The following PNPLA1 variants were observed in gnomAD, a reference collection of about 807,000 sequenced individuals.
The protein encoded by PNPLA1 is patatin like domain 1, omega-hydroxyceramide transacylase.
In PNPLA1, 36 loss-of-function variants were observed where a neutral mutation model predicts 51.7. The observed-to-expected ratio is 0.70, with a 90% CI of 0.53 to 0.92. The LOEUF is 0.92. Ranked by LOEUF, PNPLA1 falls within the 40% of genes least tolerant of loss-of-function variation. The pLI is 0.00. For missense variants in PNPLA1, 658 were observed against 682.5 expected, an observed-to-expected ratio of 0.96 and a Z score of 0.40; for synonymous variants, 293 against 280.1, an observed-to-expected ratio of 1.05 and a Z score of -0.46.
chr6:36,263,964 C>T (rs1431930516), intron 1 of PNPLA1, among the ~76,000 whole-genome samples: 1 of 152,202 alleles, frequency 6.6e-6, no homozygotes, highest in African/African-American at 2.4e-5. Flanking sequence ...GCTGCTTCCC[C>T]GCTTCCCTTC....
intron 1 of PNPLA1, among the ~76,000 whole-genome samples, chr6:36,257,379 C>G (rs1769553871): frequency 6.6e-6 from 1 of 152,216 alleles, no homozygotes; most frequent in African/African-American, 2.4e-5. Context: ...TCCAGCGGCT[C>G]AGAGACATGA....
At chr6:36,267,650 T>C (rs986514542), upstream of PNPLA1, among the ~76,000 whole-genome samples, 20 of 152,100 alleles carry the variant, frequency 1.3e-4, no homozygotes, top group African/African-American at 4.8e-4. Flanking sequence ...TCTATTTCAC[T>C]GGGATGACCC....
chr6:36,268,773 G>A (rs78890524), upstream of PNPLA1, among the ~76,000 whole-genome samples: 8 of 152,186 alleles, frequency 5.3e-5, no homozygotes, highest in Non-Finnish European at 1.2e-4. Flanking sequence ...TGGGGATGGA[G>A]CTTCTGTGTG....
At chr6:36,279,501 T>C (rs1223889401) in intron 1 of PNPLA1, among the ~76,000 whole-genome samples, 3 of 152,196 alleles carry the variant, frequency 2.0e-5, no homozygotes, top group Admixed American at 6.5e-5. Flanking sequence ...ACTCCTTTCC[T>C]TTGTCACTCA....
At chr6:36,300,161 T>TTGTGTGTGTGTGTGTGTGTGTGTG (rs145503312) in intron 5 of PNPLA1, among the ~76,000 whole-genome samples, 103 of 102,856 alleles carry the variant, frequency 1.0e-3, no homozygotes, top group Middle Eastern at 4.1e-3. Context: ...TTTCTTATTC[T>TTGTGTGTGTGTGTGTGTGTGTGTG]TGTGTGTGTG....
chr6:36,262,744 A>G (rs1769679848), intron 1 of PNPLA1, among the ~76,000 whole-genome samples: 1 of 152,184 alleles, frequency 6.6e-6, no homozygotes. Context: ...CTTCTTACCA[A>G]TATATCTTGG....
intron 6 of PNPLA1, among the ~76,000 whole-genome samples, chr6:36,303,860 A>AG (rs1203384382): frequency 6.6e-6 from 1 of 152,148 alleles, no homozygotes; most frequent in Non-Finnish European, 1.5e-5. Context: ...AGAAGTATTA[A>AG]GTACTATATA....
At chr6:36,268,409 G>A (rs1769812368), upstream of PNPLA1, among the ~76,000 whole-genome samples, 1 of 152,154 alleles carries the variant, frequency 6.6e-6, no homozygotes, top group Non-Finnish European at 1.5e-5. Context: ...CACACTGCCT[G>A]TAAATAGCAG....
intron 1 of PNPLA1, among the ~76,000 whole-genome samples, chr6:36,289,119 A>T (rs1379084069): frequency 6.6e-6 from 1 of 152,138 alleles, no homozygotes; most frequent in East Asian, 1.9e-4. Flanking sequence ...AGACATTTTA[A>T]TTTTTTTCTT....
intron 6 of PNPLA1, among the ~76,000 whole-genome samples, chr6:36,303,310 G>A (rs1033966423): frequency 6.6e-6 from 1 of 152,116 alleles, no homozygotes. Flanking sequence ...AGCCAGGATG[G>A]TCTCAATCTC....
chr6:36,282,092 G>GAAAGAAAGAAAGAAAGAAAGAAAGAAA (rs59914317), intron 1 of PNPLA1, among the ~76,000 whole-genome samples: 35 of 40,722 alleles, frequency 8.6e-4, no homozygotes, highest in East Asian at 2.6e-3. Context: ...AAAGAAAGAA[G>GAAAGAAAGAAAGAAAGAAAGAAAGAAA]GAAGGAAGGA....
At chr6:36,299,205 A>G (rs190495993) in intron 5 of PNPLA1, among the ~76,000 whole-genome samples, 4 of 152,276 alleles carry the variant, frequency 2.6e-5, no homozygotes, top group South Asian at 2.1e-4. Flanking sequence ...TAACCAGAAT[A>G]TATGTTTGAC....
intron 1 of PNPLA1, among the ~76,000 whole-genome samples, chr6:36,264,742 T>C (rs1349371574): frequency 3.3e-5 from 5 of 152,184 alleles, no homozygotes. Context: ...CTGCACTAGT[T>C]TGGGTACTTT....
In PNPLA1 at chr6:36,291,548, T is replaced by C. The variant is rs779655402; in HGVS notation, c.434T>C (p.Ile145Thr). The C allele has an allele frequency of 7.5e-6, 10 of 1,336,838 alleles. No individual in the cohort carries two copies. Among genetic ancestry groups the C allele is most frequent in the East Asian group, 4.2e-5 (1 of 23,666 alleles). The allele number at this position is 1,336,838 out of a possible 1,614,324, so 82.8% of individuals were successfully genotyped here. A position where few individuals can be genotyped will look rare whatever the true frequency, so the allele number is the denominator to read the frequency against. The change falls in exon 2 of 9, where the codon ATT (isoleucine) becomes ACT (threonine). Residue 145 changes from isoleucine to threonine, a missense_variant. Transcript: ENST00000636260. ...VSEFTSKEEL[I>T]EALYCSCFVP... ...GAGTTCACGTCCAAGGAGGAGCTCA[T>C]TGAGGCAAGGGGGCTGGGCTGGGAG...
chr6:36,279,860 A>G (rs1163129414), intron 1 of PNPLA1, among the ~76,000 whole-genome samples: 3 of 152,374 alleles, frequency 2.0e-5, no homozygotes, highest in Non-Finnish European at 4.4e-5. Flanking sequence ...AAAAGCATAG[A>G]TAAAGCAGCA....
chr6:36,244,235 T>C (rs1769213859), intron 1 of PNPLA1, among the ~76,000 whole-genome samples: 1 of 152,214 alleles, frequency 6.6e-6, no homozygotes, highest in African/African-American at 2.4e-5. Flanking sequence ...ATCCTCTTCC[T>C]ACTATTTCCC....
Position 36,302,212 on chromosome 6 carries a change from C to T in PNPLA1, c.1127C>T (p.Ala376Val). 1 of 1,613,440 alleles carries T rather than the reference C, an allele frequency of 6.2e-7. No homozygotes were observed. The highest frequency in any genetic ancestry group is 8.5e-7 in the Non-Finnish European group (1 of 1,179,810). ...GGCATGCCACCTGTATCATTCCCAG[C>T]TGTGCACAAGCCACCCAGCTCCACA... ...LSGMPPVSFPAVHKPPSSTPG... is the reference protein window; with the variant it reads ...LSGMPPVSFPVVHKPPSSTPG... Residue 376 changes from alanine (A) to valine (V), a missense_variant, in exon 6 of 9, where the codon GCT (alanine) becomes GTT (valine). Coordinates refer to ENST00000636260, the MANE Select transcript of PNPLA1 (RefSeq NM_001374623.1).
intron 1 of PNPLA1, among the ~76,000 whole-genome samples, chr6:36,262,723 C>T (rs947159979): frequency 6.6e-6 from 1 of 152,180 alleles, no homozygotes; most frequent in African/African-American, 2.4e-5. Context: ...GTTTCTTTAT[C>T]GTTATTTTTC....
chr6:36,284,988 A>T (rs1446498337), intron 1 of PNPLA1, among the ~76,000 whole-genome samples: 1 of 152,206 alleles, frequency 6.6e-6, no homozygotes, highest in Non-Finnish European at 1.5e-5. Context: ...AATGGTAAAT[A>T]AACCAGGGTC....
Sources: gnomAD v4.1 joint callset for allele counts (sites outside exome capture counted in the v4.1 genomes callset) on GRCh38, gnomAD v4.1.1 for gene constraint, MANE v1.5 for transcripts, NCBI Gene and HGNC (gene_info 2026-07-23, HGNC 2026-07-21) for gene names.